Variants in LONRF3 observed in about 807,000 individuals in gnomAD.
LONRF3 encodes the protein LON peptidase N-terminal domain and ring finger 3.
In LONRF3, 19 loss-of-function variants were observed where a neutral mutation model predicts 51.7. The ratio of observed to expected loss-of-function variants is 0.37; its 90% CI spans 0.26 to 0.54. LONRF3 has a LOEUF of 0.54. LONRF3 is among the 20% of genes least tolerant of loss of function. LONRF3 has a pLI of 0.86. For missense variants in LONRF3, 521 were observed against 623.9 expected, an observed-to-expected ratio of 0.84 and a Z score of 1.76; for synonymous variants, 265 against 257.8, an observed-to-expected ratio of 1.03 and a Z score of -0.27.
intron 10 of LONRF3, 142 bp from the exon 11 acceptor site, chrX:119,017,393 G>A: frequency 1.7e-6 from 1 of 573,244 alleles, no homozygotes; most frequent in Non-Finnish European, 2.6e-6. Flanking sequence ...CTAAAATAAG[G>A]GGGAAAATAG....
intron 5 of LONRF3, among the ~76,000 whole-genome samples, chrX:119,005,161 C>T (rs1255326297): frequency 2.7e-5 from 3 of 111,693 alleles, no homozygotes; most frequent in Non-Finnish European, 5.7e-5. Flanking sequence ...ACTGAACACT[C>T]TTGTGAGGTG....
chrX:118,986,596 G>A (rs1922985788), intron 3 of LONRF3, among the ~76,000 whole-genome samples: 1 of 112,410 alleles, frequency 8.9e-6, no homozygotes, highest in African/African-American at 3.2e-5. Context: ...CGGAGTGTTA[G>A]CACTAGCATG....
intron 2 of LONRF3, among the ~76,000 whole-genome samples, chrX:118,982,449 A>C (rs752899376): frequency 9.0e-6 from 1 of 111,368 alleles, no homozygotes; most frequent in Admixed American, 9.5e-5. Context: ...CAGGCCCTGA[A>C]AGCTGGTTAG....
At chrX:118,997,536 A>T (rs772423576) in intron 5 of LONRF3, among the ~76,000 whole-genome samples, 1 of 112,570 alleles carries the variant, frequency 8.9e-6, no homozygotes, top group South Asian at 3.7e-4. Context: ...CATTGGAAAA[A>T]CCCTTCTAGA....
chrX:118,993,737 A>G (rs1923599103), intron 5 of LONRF3, among the ~76,000 whole-genome samples: 1 of 111,881 alleles, frequency 8.9e-6, no homozygotes, highest in Admixed American at 9.5e-5. Context: ...CAGATTATCC[A>G]AAGTTAAGAT....
chrX:118,991,227 C>G (rs1166180179), intron 5 of LONRF3, among the ~76,000 whole-genome samples: 1 of 111,736 alleles, frequency 8.9e-6, no homozygotes, highest in Non-Finnish European at 1.9e-5. Context: ...GACATGTACT[C>G]TCCATTTGAC....
Position 118,975,074 on chromosome X carries a change from G to A in LONRF3, c.294G>A (p.Gln98=). Residue 98 remains glutamine, a synonymous_variant, in exon 1 of 11, where the codon CAG becomes CAA. Coordinates refer to ENST00000371628, the MANE Select transcript of LONRF3 (RefSeq NM_001031855.3). The part of the protein sequence containing the change: ...EVYRQLSERQ[Q]LVAEQLEQLV... ...ATAGACAGCTCTCCGAGCGGCAGCA[G>A]CTGGTGGCTGAGCAGCTGGAGCAGC... 1 of 1,174,417 alleles carries A rather than the reference G, an allele frequency of 8.5e-7. No homozygotes were observed. The highest frequency in any genetic ancestry group is 1.1e-6 in the Non-Finnish European group (1 of 877,148).
intron 6 of LONRF3, among the ~76,000 whole-genome samples, chrX:119,008,080 A>G (rs1239451297): frequency 1.8e-5 from 2 of 111,821 alleles, no homozygotes. Context: ...TAGCCAGGCA[A>G]TGGCAGTGAC....
rs1357465683 is a variant in LONRF3 at position 118,978,424 on chromosome X, T to C, written c.897T>C (p.Asp299=). The C allele has an allele frequency of 8.3e-7, 1 of 1,205,721 alleles. No homozygotes were observed. Among genetic ancestry groups the C allele is most frequent in the Admixed American group, 2.2e-5 (1 of 46,005 alleles). ...TLESHENALH[D]AEIACKLRPM... The stretch of plus-strand genomic sequence containing the variant: ...AGTCTCATGAGAATGCACTGCATGA[T>C]GCAGAAATAGCATGTAAGCTCCGCC... The change falls in exon 2 of 11, where the codon GAT becomes GAC. Residue 299 remains aspartate, a synonymous_variant. Transcript: ENST00000371628.
At chrX:118,986,999 G>T (rs1923021908) in intron 3 of LONRF3, 4 of 1,149,468 alleles carry the variant, frequency 3.5e-6, no homozygotes, top group Non-Finnish European at 3.5e-6. Flanking sequence ...TGAAGCTGTT[G>T]GCACCTCACC....
intron 10 of LONRF3, among the ~76,000 whole-genome samples, chrX:119,016,854 G>A (rs1414197511): frequency 1.8e-5 from 2 of 111,579 alleles, no homozygotes; most frequent in Non-Finnish European, 3.8e-5. Flanking sequence ...AGGTCAAGGG[G>A]TCATGGGAAT....
chrX:118,975,223 C>G lies in LONRF3; in HGVS notation c.443C>G (p.Ala148Gly), dbSNP rs1423046430. Reference protein sequence around the residue: ...AEETGAAAAAAATEVWDGFKC... With the variant: ...AEETGAAAAAGATEVWDGFKC... ...GAGACGGGGGCCGCCGCGGCTGCGG[C>G]GGCCACCGAGGTGTGGGACGGCTTT... Residue 148 changes from alanine (A) to glycine (G), a missense_variant, in exon 1 of 11, where the codon GCG (alanine) becomes GGG (glycine). Coordinates refer to ENST00000371628, the MANE Select transcript of LONRF3 (RefSeq NM_001031855.3). 2 of 1,180,176 alleles carry G rather than the reference C, an allele frequency of 1.7e-6. No individual in the cohort carries two copies. Among genetic ancestry groups the G allele is most frequent in the Admixed American group, 5.0e-5 (2 of 40,020 alleles).
intron 8 of LONRF3, 141 bp from the exon 9 acceptor site, chrX:119,012,898 T>C: frequency 8.3e-7 from 1 of 1,201,332 alleles, no homozygotes; most frequent in Non-Finnish European, 1.1e-6. Flanking sequence ...TGTTGTGTAA[T>C]TGAAGCTGTA....
At chrX:118,978,994 C>G (rs867899376) in intron 2 of LONRF3, among the ~76,000 whole-genome samples, 31 of 80,688 alleles carry the variant, frequency 3.8e-4, no homozygotes, top group Non-Finnish European at 6.3e-4. Flanking sequence ...TTTCTGTTTT[C>G]TTTCTTTTTT....
Position 119,014,348 on chromosome X carries a change from G to C in LONRF3, c.2116G>C (p.Asp706His). The change falls in exon 10 of 11, where the codon GAT (aspartate) becomes CAT (histidine). Residue 706 changes from aspartate (D) to histidine (H), a missense_variant. Coordinates refer to ENST00000371628, the MANE Select transcript of LONRF3 (RefSeq NM_001031855.3). ...HFGPMPEKDA[D>H]PQMNPNGPAW... ...TGGTCCCATGCCGGAGAAAGACGCC[G>C]ATCCTCAGGTATAGAAAAATGTCTA... 1 of 1,207,744 alleles carries C rather than the reference G, an allele frequency of 8.3e-7. No homozygotes were observed. Among genetic ancestry groups the C allele is most frequent in the East Asian group, 3.0e-5 (1 of 33,831 alleles).
At chrX:119,013,271 T>C in intron 9 of LONRF3, 70 bp downstream of exon 9, 1 of 1,057,716 alleles carries the variant, frequency 9.5e-7, no homozygotes, top group East Asian at 3.1e-5. Context: ...AAGATAGTTG[T>C]GAAAGGATTT....
At chrX:118,999,966 C>T (rs1259530821) in intron 5 of LONRF3, among the ~76,000 whole-genome samples, 3 of 111,985 alleles carry the variant, frequency 2.7e-5, no homozygotes, top group South Asian at 3.7e-4. Context: ...TGGTCAGAAG[C>T]ATGTAGTTCC....
chrX:118,991,353 G>T (rs188800516), intron 5 of LONRF3, among the ~76,000 whole-genome samples: 2 of 108,315 alleles, frequency 1.8e-5, no homozygotes, highest in Non-Finnish European at 3.8e-5. Flanking sequence ...AGTTACATGG[G>T]CAAGAGCTCA....
rs757710105 is a variant in LONRF3, at chrX:118,976,738, C to T, written c.817+1141C>T. On this transcript the variant is annotated intron_variant, in intron 1 of 10. Coordinates refer to ENST00000371628, the MANE Select transcript of LONRF3 (RefSeq NM_001031855.3). Reference sequence around the variant, plus strand: ...TGGACCCAGGAAGTGGCTGCTGAGCCGCCAGCCGGTGTTGCCCAGCTCTGG... The same window carrying T: ...TGGACCCAGGAAGTGGCTGCTGAGCTGCCAGCCGGTGTTGCCCAGCTCTGG... 3.5e-5 allele frequency: 4 copies of T among 113,344 alleles called. No individual in the cohort carries two copies. The East Asian group carries it at 8.4e-4, about 24-fold the overall frequency. The allele number at this position is 113,344 out of a possible 1,213,427, so 9.3% of individuals were successfully genotyped here.
Sources: allele counts gnomAD v4.1 joint callset (sites outside exome capture counted in the v4.1 genomes callset), GRCh38; gene constraint gnomAD v4.1.1; transcripts MANE v1.5; gene names NCBI Gene and HGNC (gene_info 2026-07-23, HGNC 2026-07-21).